The following RUVBL1 variants were observed in gnomAD, a reference collection of about 807,000 sequenced individuals.
RUVBL1 encodes the protein ruvB-like 1.
RUVBL1 carries 4 observed loss-of-function variants against 52.4 expected under a neutral mutation model. That is an observed-to-expected ratio of 0.08 (90% CI 0.04 to 0.17). RUVBL1 has a LOEUF of 0.17. Among genes scored for constraint, RUVBL1 ranks in the 10% least tolerant of loss-of-function variants. The pLI, the probability that RUVBL1 is intolerant of heterozygous loss-of-function variation, is 1.00. For synonymous variants in RUVBL1, 217 were observed against 214.4 expected, an observed-to-expected ratio of 1.01 and a Z score of -0.10; for missense variants, 298 against 572.8, an observed-to-expected ratio of 0.52 and a Z score of 4.90.
rs1246378506 is a variant in RUVBL1 at position 128,140,224 on chromosome 3, G to GT, written c.-40+12978dup. ...AATATGATATGATACAAGTTTTTTT[G>GT]TTTGTTTGTTTTTTTTTTTTTTGAG... On this transcript the variant is annotated intron_variant, in intron 1 of 9. Coordinates refer to the RUVBL1 transcript ENST00000464873. 4.1e-3 allele frequency among the ~76,000 whole-genome samples: 57 copies of GT among 13,754 alleles called. 2 individuals are homozygous for GT. Among genetic ancestry groups the GT allele is most frequent in the South Asian group, 0.027 (7 of 256 alleles). The allele number at this position is 13,754 out of a possible 152,430, so 9.0% of individuals were successfully genotyped here.
chr3:128,136,969 G>C (rs1943957423), intron 1 of RUVBL1, among the ~76,000 whole-genome samples: 1 of 150,184 alleles, frequency 6.7e-6, no homozygotes, highest in Admixed American at 6.6e-5. Context: ...ATCTGCTATA[G>C]ACCAAATGGA....
chr3:128,148,722 T>G (rs1195319519), intron 1 of RUVBL1, among the ~76,000 whole-genome samples: 4 of 152,220 alleles, frequency 2.6e-5, no homozygotes, highest in Non-Finnish European at 5.9e-5. Flanking sequence ...TGTAGGGCTA[T>G]TCTGTACTTG....
chr3:128,151,122 A>C (rs866275553), intron 1 of RUVBL1, among the ~76,000 whole-genome samples: 4 of 119,844 alleles, frequency 3.3e-5, no homozygotes, highest in South Asian at 4.7e-4. Context: ...TATATATTCT[A>C]TATATATTCT....
chr3:128,128,243 C>A (rs991997012), upstream of RUVBL1, among the ~76,000 whole-genome samples: 9 of 152,274 alleles, frequency 5.9e-5, no homozygotes, highest in Admixed American at 4.6e-4. Context: ...CTGCCTTGAC[C>A]TCCCAAAATG....
exon 1 of RUVBL1, chr3:128,153,625 CCGCAGAGCCGCG>C (rs1298621175): frequency 2.0e-5 from 32 of 1,597,312 alleles, no homozygotes; most frequent in Non-Finnish European, 2.4e-5. Context: ...TGACAAGCAG[CCGCAGAGCCGCG>C]AGCGCGGCAT....
intron 9 of RUVBL1, among the ~76,000 whole-genome samples, chr3:128,086,075 C>G (rs1387360634): frequency 6.6e-6 from 1 of 152,192 alleles, no homozygotes; most frequent in Non-Finnish European, 1.5e-5. Flanking sequence ...CAGCTCACTG[C>G]AGCCTCGACC....
chr3:128,069,989 C>T (rs1942113139), intron 9 of RUVBL1: 1 of 195,188 alleles, frequency 5.1e-6, no homozygotes, highest in Non-Finnish European at 1.0e-5. Context: ...CTGCAGCCGT[C>T]TCACCTGTTT....
chr3:128,106,999 T>C (rs1051912254), intron 3 of RUVBL1, among the ~76,000 whole-genome samples: 1 of 152,210 alleles, frequency 6.6e-6, no homozygotes, highest in East Asian at 1.9e-4. Flanking sequence ...CACCAAGCTA[T>C]GCATTTATGT....
intron 9 of RUVBL1, chr3:128,066,700 AG>A (rs1307456669): frequency 2.1e-5 from 11 of 516,192 alleles, no homozygotes; most frequent in Non-Finnish European, 3.4e-5. Flanking sequence ...CTGGGATTAC[AG>A]GTGTAAGTCA....
intron 7 of RUVBL1, among the ~76,000 whole-genome samples, chr3:128,098,162 T>C (rs948301878): frequency 6.6e-6 from 1 of 152,052 alleles, no homozygotes; most frequent in African/African-American, 2.4e-5. Context: ...AGCTCCTGTG[T>C]TATCATCAGG....
At chr3:128,152,078 C>T (rs1280696699) in intron 1 of RUVBL1, among the ~76,000 whole-genome samples, 2 of 152,228 alleles carry the variant, frequency 1.3e-5, no homozygotes, top group Non-Finnish European at 2.9e-5. Context: ...TCCCTGTCAT[C>T]TTAGACTCTT....
chr3:128,101,895 C>T (rs1943116120), intron 4 of RUVBL1, among the ~76,000 whole-genome samples: 1 of 152,180 alleles, frequency 6.6e-6, no homozygotes, highest in African/African-American at 2.4e-5. Context: ...CCCTATGTAA[C>T]GAGCATGAGA....
chr3:128,131,542 A>G (rs975141800), intron 1 of RUVBL1, among the ~76,000 whole-genome samples: 2 of 151,656 alleles, frequency 1.3e-5, no homozygotes, highest in South Asian at 4.2e-4. Context: ...ACAAAAAAAA[A>G]CAGATCAAGA....
intron 3 of RUVBL1, among the ~76,000 whole-genome samples, chr3:128,112,218 C>T (rs1337805747): frequency 6.6e-6 from 1 of 152,254 alleles, no homozygotes; most frequent in African/African-American, 2.4e-5. Flanking sequence ...CCAATCTTCA[C>T]AGCAACGGCT....
intron 4 of RUVBL1, among the ~76,000 whole-genome samples, chr3:128,103,220 G>A (rs1015712097): frequency 9.2e-5 from 14 of 152,246 alleles, no homozygotes; most frequent in Middle Eastern, 3.4e-3. Context: ...TAAACTGTAC[G>A]CCTTATTTTA....
intron 3 of RUVBL1, 31 bp downstream of exon 3, chr3:128,112,857 C>A: frequency 6.2e-7 from 1 of 1,608,150 alleles, no homozygotes. Flanking sequence ...GAAGTGAGAC[C>A]AACTCCTCCC....
chr3:128,143,124 G>A (rs1363491790), intron 1 of RUVBL1, among the ~76,000 whole-genome samples: 1 of 150,082 alleles, frequency 6.7e-6, no homozygotes, highest in East Asian at 2.0e-4. Flanking sequence ...ATTACACCAG[G>A]CCCACCCTGA....
chr3:128,111,819 C>G (rs1943402552), intron 3 of RUVBL1, among the ~76,000 whole-genome samples: 1 of 152,138 alleles, frequency 6.6e-6, no homozygotes, highest in South Asian at 2.1e-4. Flanking sequence ...AAATTTCCTT[C>G]TTAAGAATAC....
At chr3:128,125,005 CTTTTTTTT>C (rs749620135), upstream of RUVBL1, among the ~76,000 whole-genome samples, 6 of 61,350 alleles carry the variant, frequency 9.8e-5, no homozygotes, top group East Asian at 1.2e-3. Flanking sequence ...CTCACACCGC[CTTTTTTTT>C]TTTTTTTTTT....
Sources: allele counts gnomAD v4.1 joint callset (sites outside exome capture counted in the v4.1 genomes callset), GRCh38; gene constraint gnomAD v4.1.1; transcripts MANE v1.5; gene names NCBI Gene and HGNC (gene_info 2026-07-23, HGNC 2026-07-21).